Variants in CSMD1 observed in about 807,000 individuals in gnomAD.
The protein encoded by CSMD1 is CUB and sushi domain-containing protein 1.
In CSMD1, 213 loss-of-function variants were observed where a neutral mutation model predicts 417.5. That is an observed-to-expected ratio of 0.51 (90% CI 0.46 to 0.57). The LOEUF (loss-of-function observed/expected upper bound fraction) is 0.57. Among genes scored for constraint, CSMD1 ranks in the 20% least tolerant of loss-of-function variants. CSMD1 has a pLI of 0.00. For missense variants in CSMD1, 6,923 were observed against 4,529.7 expected (o/e 1.53, Z -15.17); for synonymous variants, 2,862 against 1,736.8 (o/e 1.65, Z -16.11).
chr8:4,771,766 G>A (rs924202968), intron 1 of CSMD1, among the ~76,000 whole-genome samples: 10 of 152,160 alleles, frequency 6.6e-5, no homozygotes, highest in African/African-American at 2.2e-4. Flanking sequence ...ATTTCACAGC[G>A]CAAGTTGTTG....
chr8:3,568,406 G>C (rs939633563), intron 10 of CSMD1, among the ~76,000 whole-genome samples: 15 of 152,166 alleles, frequency 9.9e-5, no homozygotes, highest in Admixed American at 2.0e-4. Context: ...CATCAATAAA[G>C]CTGGAAACAA....
At chr8:4,653,601 C>A (rs532353478) in intron 1 of CSMD1, among the ~76,000 whole-genome samples, 8 of 152,042 alleles carry the variant, frequency 5.3e-5, no homozygotes, top group Non-Finnish European at 1.2e-4. Flanking sequence ...TTAAAATAGT[C>A]CCAGATAACC....
intron 3 of CSMD1, among the ~76,000 whole-genome samples, chr8:4,128,136 C>T (rs2130967582): frequency 6.6e-6 from 1 of 152,140 alleles, no homozygotes; most frequent in South Asian, 2.1e-4. Context: ...AGCACTCCCA[C>T]CCCCACCTCT....
chr8:4,778,523 T>C (rs527965429), intron 1 of CSMD1, among the ~76,000 whole-genome samples: 1 of 152,322 alleles, frequency 6.6e-6, no homozygotes, highest in East Asian at 1.9e-4. Flanking sequence ...GGTATAAGCA[T>C]ACAGCAAATC....
rs148698534 is a variant in CSMD1 at position 4,842,403 on chromosome 8, A to G, written c.85+151929T>C. Among the ~76,000 whole-genome samples the G allele has an allele frequency of 1.5e-3, 236 of 152,326 alleles. 2 individuals carry two copies. Among genetic ancestry groups the G allele is most frequent in the African/African-American group, 5.5e-3 (230 of 41,562 alleles). The stretch of plus-strand genomic sequence containing the variant: ...TTTTATTCCCCTTTTGCAATCTTTA[A>G]AACTTCAAATGCAAGCCCAATTATA... On this transcript the variant is annotated intron_variant, in intron 1 of 69. Transcript: ENST00000635120.
chr8:3,902,466 G>A (rs1037476306), intron 5 of CSMD1, among the ~76,000 whole-genome samples: 2 of 151,570 alleles, frequency 1.3e-5, no homozygotes. Context: ...TTTTTTCCAT[G>A]GACTCAAGTG....
intron 5 of CSMD1, among the ~76,000 whole-genome samples, chr8:3,839,802 C>T (rs927564974): frequency 1.3e-5 from 2 of 151,578 alleles, no homozygotes; most frequent in African/African-American, 4.8e-5. Context: ...AGCTGGTGGC[C>T]AAACTAGAGA....
At chr8:4,051,671 T>G (rs1340487453) in intron 3 of CSMD1, among the ~76,000 whole-genome samples, 1 of 152,080 alleles carries the variant, frequency 6.6e-6, no homozygotes, top group East Asian at 1.9e-4. Context: ...ATAAATTTTC[T>G]GTACTGATCA....
intron 5 of CSMD1, among the ~76,000 whole-genome samples, chr8:3,838,543 ATG>A: frequency 1.6e-5 from 2 of 124,600 alleles, no homozygotes; most frequent in Non-Finnish European, 3.3e-5. Flanking sequence ...TAGTCTATAT[ATG>A]TACTCTCTGT....
At chr8:4,004,300 T>G (rs796841953) in intron 4 of CSMD1, among the ~76,000 whole-genome samples, 3 of 152,198 alleles carry the variant, frequency 2.0e-5, no homozygotes, top group South Asian at 2.1e-4. Context: ...ACTTGGGAAT[T>G]CTTAATCATA....
chr8:3,932,292 T>C (rs1166668886), intron 5 of CSMD1, among the ~76,000 whole-genome samples: 1 of 150,662 alleles, frequency 6.6e-6, no homozygotes. Flanking sequence ...CAAGAAGTTT[T>C]GTTGCTCAGT....
intron 46 of CSMD1, among the ~76,000 whole-genome samples, chr8:3,104,925 C>G (rs112492873): frequency 0.013 from 1,917 of 152,200 alleles, 36 homozygotes; most frequent in African/African-American, 0.041. Flanking sequence ...AGGCTGGTCT[C>G]GACCTCCCAG....
At chr8:4,264,604 A>G (rs948397250) in intron 3 of CSMD1, among the ~76,000 whole-genome samples, 1 of 152,154 alleles carries the variant, frequency 6.6e-6, no homozygotes, top group African/African-American at 2.4e-5. Flanking sequence ...GTTCTAGGGT[A>G]GATAGCAGTA....
At chr8:4,158,333 C>G (rs1253727906) in intron 3 of CSMD1, among the ~76,000 whole-genome samples, 2 of 151,772 alleles carry the variant, frequency 1.3e-5, no homozygotes. Flanking sequence ...ATCTCTACTG[C>G]AAAAATACAT....
At position 4,935,089 on chromosome 8, in the gene CSMD1, A is replaced by G. The variant is rs1807517824; in HGVS notation, c.85+59243T>C. On this transcript the variant is annotated intron_variant, in intron 1 of 69. Transcript: ENST00000635120. ...AAAATCCCATATCACAACAGGCCCCATGATCAGGATTCTGCCTTCATTCCT... is the reference window on the plus strand; with the variant it reads ...AAAATCCCATATCACAACAGGCCCCGTGATCAGGATTCTGCCTTCATTCCT... 2.6e-5 allele frequency among the ~76,000 whole-genome samples: 4 copies of G among 152,200 alleles called. No homozygotes were observed. In the South Asian group the frequency reaches 8.3e-4, roughly 31 times the overall value.
At chr8:3,502,838 C>A (rs1157649804) in intron 10 of CSMD1, among the ~76,000 whole-genome samples, 1 of 152,036 alleles carries the variant, frequency 6.6e-6, no homozygotes, top group Admixed American at 6.5e-5. Flanking sequence ...CCGGAGTGAG[C>A]CCTAACGTGC....
chr8:3,875,752 A>G (rs1805772666), intron 5 of CSMD1, among the ~76,000 whole-genome samples: 1 of 152,146 alleles, frequency 6.6e-6, no homozygotes, highest in South Asian at 2.1e-4. Context: ...AAAGAAATGG[A>G]GACAGCCAGT....
At chr8:3,470,980 A>G (rs542500048) in intron 11 of CSMD1, among the ~76,000 whole-genome samples, 1 of 145,406 alleles carries the variant, frequency 6.9e-6, no homozygotes, top group Non-Finnish European at 1.5e-5. Flanking sequence ...GCTGCTTTGA[A>G]TATGTGTGTG....
chr8:3,948,198 C>T (rs1169982444), intron 5 of CSMD1, among the ~76,000 whole-genome samples: 3 of 151,976 alleles, frequency 2.0e-5, no homozygotes, highest in African/African-American at 4.8e-5. Flanking sequence ...ACCAAGACTC[C>T]GTCTAAATAA....
Sources: gnomAD v4.1 joint callset for allele counts (sites outside exome capture counted in the v4.1 genomes callset) on GRCh38, gnomAD v4.1.1 for gene constraint, MANE v1.5 for transcripts, NCBI Gene and HGNC (gene_info 2026-07-23, HGNC 2026-07-21) for gene names.